PDE7B: variants seen among roughly 807,000 people sequenced by gnomAD.
PDE7B encodes phosphodiesterase 7B.
Under a neutral mutation model 56.2 loss-of-function variants are expected in PDE7B, and 29 were observed. The ratio of observed to expected loss-of-function variants is 0.52; its 90% CI spans 0.38 to 0.70. The LOEUF is 0.70. Ranked by LOEUF, PDE7B falls within the 30% of genes least tolerant of loss-of-function variation. The pLI, the probability that PDE7B is intolerant of heterozygous loss-of-function variation, is 0.00. For missense variants in PDE7B, 490 were observed against 565.0 expected (o/e 0.87, Z 1.35); for synonymous variants, 197 against 196.9 (o/e 1.00, Z 0.00).
intron 3 of PDE7B, among the ~76,000 whole-genome samples, chr6:136,127,135 T>A (rs1357738219): frequency 6.6e-6 from 1 of 152,152 alleles, no homozygotes; most frequent in Non-Finnish European, 1.5e-5. Flanking sequence ...CCCATATGAA[T>A]ACCTGACCAG....
chr6:135,869,236 G>A (rs533351265), intron 1 of PDE7B, among the ~76,000 whole-genome samples: 1 of 152,220 alleles, frequency 6.6e-6, no homozygotes. Flanking sequence ...ATTTGCACAT[G>A]TGACAAACTA....
intron 2 of PDE7B, among the ~76,000 whole-genome samples, chr6:136,076,690 C>G (rs1052488336): frequency 1.3e-5 from 2 of 152,066 alleles, no homozygotes; most frequent in Non-Finnish European, 2.9e-5. Context: ...TGGCAGAAGA[C>G]TAAGATGTAT....
intron 1 of PDE7B, among the ~76,000 whole-genome samples, chr6:135,861,034 T>C (rs887646963): frequency 6.6e-6 from 1 of 152,016 alleles, no homozygotes; most frequent in African/African-American, 2.4e-5. Flanking sequence ...ATCTGAAGAC[T>C]AGATAGGTTG....
Position 135,908,550 on chromosome 6 carries a change from C to T in PDE7B, c.22-38914C>T, listed in dbSNP as rs902504942. 5.3e-5 allele frequency among the ~76,000 whole-genome samples: 8 copies of T among 151,408 alleles called. No homozygotes were observed. The East Asian group carries it at 1.4e-3, about 26-fold the overall frequency. On this transcript the variant is annotated intron_variant, in intron 1 of 12. Coordinates refer to ENST00000308191, the MANE Select transcript of PDE7B (RefSeq NM_018945.4). ...ATTTATAAGAATATGTTAAAAAAAA[C>T]AAAAATGAAACACTGGAAGCAACTG...
chr6:135,896,586 C>T (rs976215286), intron 1 of PDE7B, among the ~76,000 whole-genome samples: 8 of 152,086 alleles, frequency 5.3e-5, no homozygotes, highest in African/African-American at 1.9e-4. Context: ...GTGATCCTTG[C>T]AACTTATATT....
At position 135,851,858 on chromosome 6, in the gene PDE7B, CTT is replaced by C. The variant is rs60347338; in HGVS notation, c.-129_-128del. ...TTCTTTATTTCTTTTCCTTTTTTTT[CTT>C]TTTTTTTTTTTGTTACTTAATTATA... On this transcript the variant is annotated 5_prime_UTR_variant, in exon 1 of 13. Coordinates refer to ENST00000308191, the MANE Select transcript of PDE7B (RefSeq NM_018945.4). 1,517 of 501,002 alleles carry C rather than the reference CTT, an allele frequency of 3.0e-3. No individual in the cohort carries two copies. The highest frequency in any genetic ancestry group is 6.4e-3 in the South Asian group (220 of 34,368). The allele number at this position is 501,002 out of a possible 1,614,324, so 31.0% of individuals were successfully genotyped here.
intron 2 of PDE7B, among the ~76,000 whole-genome samples, chr6:136,090,039 G>A (rs767848813): frequency 9.2e-5 from 14 of 152,202 alleles, no homozygotes; most frequent in Non-Finnish European, 1.8e-4. Flanking sequence ...CTGAGATACC[G>A]AAAGACACCA....
At chr6:135,957,275 G>A (rs1249100667) in intron 2 of PDE7B, among the ~76,000 whole-genome samples, 1 of 152,022 alleles carries the variant, frequency 6.6e-6, no homozygotes, top group South Asian at 2.1e-4. Flanking sequence ...ACAGAACTAG[G>A]TTAATTCAAA....
intron 2 of PDE7B, among the ~76,000 whole-genome samples, chr6:135,996,424 C>G (rs1328313688): frequency 2.0e-5 from 3 of 152,142 alleles, no homozygotes; most frequent in African/African-American, 7.2e-5. Flanking sequence ...GATTTAGATT[C>G]CCTTTAACTT....
rs545956566 is a variant in PDE7B, at chr6:136,105,137, G to A, written c.83-3594G>A. Among the ~76,000 whole-genome samples the A allele has an allele frequency of 2.1e-4, 32 of 152,268 alleles. No individual in the cohort carries two copies. In the South Asian group the frequency reaches 6.4e-3, roughly 31 times the overall value. ...ATAGATTCCTTGTTGATCCAGGACA[G>A]GATTTGGTTGTCTTGCTTGTACAGC... is the stretch of plus-strand genomic sequence containing the variant. On this transcript the variant is annotated intron_variant, in intron 2 of 12. Transcript: ENST00000308191.
intron 1 of PDE7B, among the ~76,000 whole-genome samples, chr6:135,922,330 CTG>C (rs1301189154): frequency 2.0e-5 from 3 of 152,170 alleles, no homozygotes; most frequent in South Asian, 4.1e-4. Flanking sequence ...TAGTGAAACT[CTG>C]TAGTTTTCTT....
At chr6:136,161,337 A>C (rs925790217) in intron 8 of PDE7B, among the ~76,000 whole-genome samples, 1 of 152,148 alleles carries the variant, frequency 6.6e-6, no homozygotes, top group Non-Finnish European at 1.5e-5. Flanking sequence ...CAGATAGTAC[A>C]TTTTTGGTCA....
intron 1 of PDE7B, among the ~76,000 whole-genome samples, chr6:135,900,513 C>T (rs1775980535): frequency 6.6e-6 from 1 of 152,030 alleles, no homozygotes; most frequent in South Asian, 2.1e-4. Context: ...GTCTATTGCA[C>T]TTACAGTTTT....
chr6:136,097,342 T>G (rs964392040), intron 2 of PDE7B, among the ~76,000 whole-genome samples: 2 of 152,182 alleles, frequency 1.3e-5, no homozygotes, highest in African/African-American at 4.8e-5. Flanking sequence ...ACTAGCACAA[T>G]CAGTCATCCA....
chr6:136,016,006 A>G (rs1016232668), intron 2 of PDE7B, among the ~76,000 whole-genome samples: 1 of 152,204 alleles, frequency 6.6e-6, no homozygotes, highest in Non-Finnish European at 1.5e-5. Flanking sequence ...TTTTAACTCT[A>G]TAAAAGAAAA....
At chr6:135,886,063 G>A (rs558351180) in intron 1 of PDE7B, among the ~76,000 whole-genome samples, 4 of 152,164 alleles carry the variant, frequency 2.6e-5, no homozygotes, top group South Asian at 2.1e-4. Context: ...ATCAACCCCC[G>A]TCACATTTTC....
At chr6:136,121,676 A>G (rs2128443422) in intron 3 of PDE7B, among the ~76,000 whole-genome samples, 1 of 152,356 alleles carries the variant, frequency 6.6e-6, no homozygotes, top group South Asian at 2.1e-4. Flanking sequence ...GGCAAGTGTC[A>G]CGAGGTTCTA....
At chr6:135,868,164 C>CT (rs61323642) in intron 1 of PDE7B, among the ~76,000 whole-genome samples, 71 of 147,398 alleles carry the variant, frequency 4.8e-4, no homozygotes, top group East Asian at 7.9e-4. Flanking sequence ...CACAACATAG[C>CT]TTTTTTTTTT....
At chr6:135,913,240 T>C (rs775007391) in intron 1 of PDE7B, among the ~76,000 whole-genome samples, 4 of 152,188 alleles carry the variant, frequency 2.6e-5, no homozygotes, top group Admixed American at 6.5e-5. Context: ...TCCCAGATCA[T>C]TGATAACTTA....
Sources: gnomAD v4.1 joint callset for allele counts (sites outside exome capture counted in the v4.1 genomes callset) on GRCh38, gnomAD v4.1.1 for gene constraint, MANE v1.5 for transcripts, NCBI Gene and HGNC (gene_info 2026-07-23, HGNC 2026-07-21) for gene names.